The following CDK15 variants were observed in gnomAD, a reference collection of about 807,000 sequenced individuals.
The protein encoded by CDK15 is cyclin dependent kinase 15.
In CDK15, 62 loss-of-function variants were observed where a neutral mutation model predicts 60.3. The observed-to-expected ratio is 1.03, with a 90% CI of 0.84 to 1.27. The LOEUF (loss-of-function observed/expected upper bound fraction) is 1.27. Among genes scored for constraint, CDK15 ranks in the 50% most tolerant of loss-of-function variants. The probability of loss-of-function intolerance (pLI) is 0.00; values close to 1 mark genes in which losing one functional copy is unlikely to be tolerated. For synonymous variants in CDK15, 194 were observed against 195.7 expected, an observed-to-expected ratio of 0.99 and a Z score of 0.07; for missense variants, 541 against 527.8, an observed-to-expected ratio of 1.03 and a Z score of -0.25.
intron 10 of CDK15, chr2:201,861,628 T>A: frequency 1.4e-6 from 1 of 717,738 alleles, no homozygotes; most frequent in Non-Finnish European, 1.7e-6. Context: ...TGGCATGATC[T>A]CGGCTCACCG....
chr2:201,842,964 C>A (rs1697467279), intron 8 of CDK15, among the ~76,000 whole-genome samples: 1 of 151,948 alleles, frequency 6.6e-6, no homozygotes, highest in South Asian at 2.1e-4. Context: ...GTAAGAGGAG[C>A]CCCAGGAATG....
At chr2:201,892,242 G>A (rs903094472) in intron 13 of CDK15, among the ~76,000 whole-genome samples, 1 of 152,100 alleles carries the variant, frequency 6.6e-6, no homozygotes, top group Non-Finnish European at 1.5e-5. Flanking sequence ...AGCTTTTACT[G>A]TATAATTATT....
chr2:201,865,889 CAA>C (rs1698606931), intron 10 of CDK15, among the ~76,000 whole-genome samples: 1 of 24,804 alleles, frequency 4.0e-5, no homozygotes, highest in Admixed American at 6.0e-4. Flanking sequence ...GATTCCATCT[CAA>C]CAAAAAAAAA....
intron 10 of CDK15, among the ~76,000 whole-genome samples, chr2:201,857,118 C>T (rs1698175177): frequency 2.6e-5 from 2 of 77,838 alleles, no homozygotes; most frequent in East Asian, 5.3e-4. Flanking sequence ...CCCAGCTACT[C>T]GGGAGGCTGA....
intron 10 of CDK15, among the ~76,000 whole-genome samples, chr2:201,865,427 T>C (rs1188325381): frequency 6.6e-6 from 1 of 152,190 alleles, no homozygotes; most frequent in East Asian, 1.9e-4. Flanking sequence ...GAACAGGCTT[T>C]AGCGGATGGG....
intron 12 of CDK15, chr2:201,889,113 T>C: frequency 1.0e-6 from 1 of 985,408 alleles, no homozygotes; most frequent in Non-Finnish European, 1.2e-6. Context: ...GGCAGAAGTT[T>C]AGGCCAGGCG....
intron 10 of CDK15, among the ~76,000 whole-genome samples, chr2:201,871,209 G>T (rs182442448): frequency 1.3e-3 from 200 of 151,352 alleles, no homozygotes; most frequent in African/African-American, 4.7e-3. Context: ...TCCCAGGCTG[G>T]AGTGCAGTGG....
intron 13 of CDK15, among the ~76,000 whole-genome samples, chr2:201,892,214 A>C (rs949862270): frequency 6.6e-6 from 1 of 152,182 alleles, no homozygotes; most frequent in Non-Finnish European, 1.5e-5. Flanking sequence ...TTCCCAAGCA[A>C]AATATTCTCT....
intron 3 of CDK15, among the ~76,000 whole-genome samples, chr2:201,810,603 C>A (rs148081179): frequency 6.6e-6 from 1 of 152,250 alleles, no homozygotes; most frequent in Non-Finnish European, 1.5e-5. Flanking sequence ...AGAAACAAAT[C>A]TCTCATGCCA....
chr2:201,836,117 TA>T (rs1409051886), intron 8 of CDK15, among the ~76,000 whole-genome samples: 6 of 124,224 alleles, frequency 4.8e-5, no homozygotes, highest in Admixed American at 1.0e-4. Context: ...TATTTATATA[TA>T]TTATATATTT....
intron 10 of CDK15, among the ~76,000 whole-genome samples, chr2:201,859,945 C>A (rs760599832): frequency 2.2e-4 from 33 of 152,178 alleles, no homozygotes; most frequent in African/African-American, 7.7e-4. Context: ...GGAGGCCTTA[C>A]TCCTCTGGAG....
At position 201,835,730 on chromosome 2, in the gene CDK15, G is replaced by A; in HGVS notation, c.818G>A (p.Gly273Glu). 1.2e-6 allele frequency: 2 copies of A among 1,610,238 alleles called. No individual in the cohort carries two copies. The highest frequency in any genetic ancestry group is 1.7e-6 in the Non-Finnish European group (2 of 1,177,546). ...TACCGGCCCCCTGATGCTTTGCTGG[G>A]AGCCACTGAATATTCCTCTGAGCTG... Reference protein sequence around the residue: ...LWYRPPDALLGATEYSSELDI... With the variant: ...LWYRPPDALLEATEYSSELDI... Residue 273 changes from glycine to glutamate, a missense_variant, in exon 8 of 14, where the codon GGA becomes GAA. By Grantham distance (98) the Gly-to-Glu change is moderately conservative. Coordinates refer to ENST00000652192, the MANE Select transcript of CDK15 (RefSeq NM_001366386.2).
chr2:201,849,273 C>G (rs6707901), intron 9 of CDK15, among the ~76,000 whole-genome samples: 7,277 of 152,244 alleles, frequency 0.048, 259 homozygotes, highest in African/African-American at 0.1. Flanking sequence ...TCTTCCTGTC[C>G]CATACAAATT....
chr2:201,807,829 C>A, intron 2 of CDK15, 29 bp from the exon 3 acceptor site: 3 of 1,586,966 alleles, frequency 1.9e-6, no homozygotes, highest in East Asian at 2.2e-5. Context: ...CCCTTTCACC[C>A]GCTCCTTTTC....
chr2:201,865,843 T>C (rs1306279684), intron 10 of CDK15, among the ~76,000 whole-genome samples: 1 of 133,050 alleles, frequency 7.5e-6, no homozygotes, highest in Non-Finnish European at 1.5e-5. Flanking sequence ...TGAGCCAAGA[T>C]CGTGCCACTG....
Position 201,880,113 on chromosome 2 carries a change from C to T in CDK15, c.1144C>T (p.Leu382Phe). The T allele has an allele frequency of 8.7e-6, 14 of 1,614,112 alleles. No individual in the cohort carries two copies. Among genetic ancestry groups the T allele is most frequent in the Non-Finnish European group, 1.2e-5 (14 of 1,180,018 alleles). ...AGACCGCGTCTCCGCCCAGGAAGCACTTGTTCATGATTATTTCAGCGCCCT... is the reference window on the plus strand; with the variant it reads ...AGACCGCGTCTCCGCCCAGGAAGCATTTGTTCATGATTATTTCAGCGCCCT... Reference protein sequence around the residue: ...PRDRVSAQEALVHDYFSALPS... With the variant: ...PRDRVSAQEAFVHDYFSALPS... Residue 382 changes from leucine (L) to phenylalanine (F), a missense_variant, in exon 12 of 14, where the codon CTT becomes TTT. Coordinates refer to ENST00000652192, the MANE Select transcript of CDK15 (RefSeq NM_001366386.2).
At chr2:201,845,589 TAAAAAAA>T (rs35345906) in intron 8 of CDK15, among the ~76,000 whole-genome samples, 2 of 101,468 alleles carry the variant, frequency 2.0e-5, no homozygotes, top group Non-Finnish European at 4.0e-5. Flanking sequence ...CCATCTGTAT[TAAAAAAA>T]AAAAAAAAAA....
Sources: allele counts gnomAD v4.1 joint callset (sites outside exome capture counted in the v4.1 genomes callset), GRCh38; gene constraint gnomAD v4.1.1; transcripts MANE v1.5; gene names NCBI Gene and HGNC (gene_info 2026-07-23, HGNC 2026-07-21).